GSK3B: variants seen among roughly 807,000 people sequenced by gnomAD.
GSK3B encodes glycogen synthase kinase 3 beta.
A neutral mutation model predicts 56.4 loss-of-function variants in GSK3B; 15 were observed. The observed-to-expected ratio is 0.27, with a 90% CI of 0.18 to 0.41. GSK3B has a LOEUF of 0.41. GSK3B is among the 10% of genes least tolerant of loss of function. GSK3B has a pLI of 1.00. For missense variants in GSK3B, 300 were observed against 513.4 expected, an observed-to-expected ratio of 0.58 and a Z score of 4.02; for synonymous variants, 181 against 188.9, an observed-to-expected ratio of 0.96 and a Z score of 0.34.
chr3:119,930,856 G>A (rs1407841489), intron 3 of GSK3B, among the ~76,000 whole-genome samples: 1 of 152,154 alleles, frequency 6.6e-6, no homozygotes, highest in African/African-American at 2.4e-5. Flanking sequence ...TGCAAGTAGT[G>A]ATATCCCTTT....
At chr3:119,863,665 A>G in intron 8 of GSK3B, 60 bp from the exon 9 acceptor site, 1 of 1,032,822 alleles carries the variant, frequency 9.7e-7, no homozygotes, top group East Asian at 2.6e-5. Context: ...CTAAGCAAAT[A>G]CCCTGTGAAT....
chr3:119,836,342 A>G (rs9819836), intron 10 of GSK3B, among the ~76,000 whole-genome samples: 2,772 of 152,316 alleles, frequency 0.018, 92 homozygotes, highest in African/African-American at 0.063. Context: ...GACAGACCTC[A>G]TCCAAATGTT....
intron 9 of GSK3B, among the ~76,000 whole-genome samples, chr3:119,849,421 T>C (rs1017098470): frequency 3.3e-5 from 5 of 152,302 alleles, no homozygotes; most frequent in Non-Finnish European, 7.4e-5. Context: ...GCTCGATACC[T>C]AAAATAAACC....
chr3:119,990,850 C>T (rs1013611452), intron 2 of GSK3B, among the ~76,000 whole-genome samples: 2 of 152,118 alleles, frequency 1.3e-5, no homozygotes, highest in African/African-American at 4.8e-5. Flanking sequence ...ATTGCTTGAA[C>T]CCAGGAGGCG....
At chr3:119,886,170 T>C (rs2108059430) in intron 7 of GSK3B, among the ~76,000 whole-genome samples, 1 of 151,944 alleles carries the variant, frequency 6.6e-6, no homozygotes, top group Admixed American at 6.6e-5. Context: ...CCAGAATCTA[T>C]AAGAAATTTA....
chr3:119,982,137 AAAAC>A (rs1462399088), intron 2 of GSK3B, among the ~76,000 whole-genome samples: 2 of 152,346 alleles, frequency 1.3e-5, no homozygotes, highest in East Asian at 1.9e-4. Context: ...TGTTAGAAGG[AAAAC>A]AAACAAACAG....
At chr3:119,921,163 A>G (rs2056836451) in intron 4 of GSK3B, among the ~76,000 whole-genome samples, 1 of 152,356 alleles carries the variant, frequency 6.6e-6, no homozygotes, top group South Asian at 2.1e-4. Flanking sequence ...ATTGGTACCT[A>G]TGGAGGATGC....
At chr3:120,042,549 C>T (rs982166091) in intron 1 of GSK3B, among the ~76,000 whole-genome samples, 4 of 152,216 alleles carry the variant, frequency 2.6e-5, no homozygotes, top group Non-Finnish European at 5.9e-5. Flanking sequence ...AGAGATGCCT[C>T]TAACGGGTTG....
At chr3:119,842,666 C>T (rs989712181) in intron 10 of GSK3B, among the ~76,000 whole-genome samples, 5 of 151,742 alleles carry the variant, frequency 3.3e-5, no homozygotes, top group African/African-American at 1.2e-4. Flanking sequence ...CTATGTTGTC[C>T]AGGATGATCT....
intron 1 of GSK3B, among the ~76,000 whole-genome samples, chr3:120,035,076 G>C (rs1018478736): frequency 1.1e-4 from 17 of 152,096 alleles, no homozygotes; most frequent in Middle Eastern, 3.4e-3. Context: ...CTGGGCGAGA[G>C]AGTGAGACTC....
At chr3:120,072,586 T>G (rs866375421) in intron 1 of GSK3B, among the ~76,000 whole-genome samples, 1 of 151,994 alleles carries the variant, frequency 6.6e-6, no homozygotes, top group African/African-American at 2.4e-5. Context: ...CTCAAAAAAA[T>G]AATAATAATA....
rs1000238395 is a variant in GSK3B at position 119,908,885 on chromosome 3, C to T, written c.716-3033G>A. On this transcript the variant is annotated intron_variant, in intron 6 of 10. Coordinates refer to ENST00000264235, the MANE Select transcript of GSK3B (RefSeq NM_001146156.2). The stretch of plus-strand genomic sequence containing the variant: ...GCCTCTTGGCAGAAATCAAAATGTG[C>T]TTTGGCATTTTGCCATTTGGCAAAA... Among the ~76,000 whole-genome samples the T allele has an allele frequency of 2.6e-5, 4 of 152,296 alleles. No homozygotes were observed. The South Asian group carries it at 8.3e-4, about 32-fold the overall frequency.
chr3:120,002,417 C>T (rs1020115027), intron 1 of GSK3B, among the ~76,000 whole-genome samples, 178 bp from the exon 2 acceptor site: 3 of 151,940 alleles, frequency 2.0e-5, no homozygotes, highest in Non-Finnish European at 4.4e-5. Flanking sequence ...CGGCTCACTG[C>T]AACCTCCGTC....
chr3:119,951,419 A>T (rs1016657467), intron 2 of GSK3B, among the ~76,000 whole-genome samples: 10 of 152,128 alleles, frequency 6.6e-5, no homozygotes, highest in African/African-American at 2.4e-4. Flanking sequence ...TAAAAATATA[A>T]AATTAGCCGG....
rs537702220 is a variant in GSK3B, at chr3:119,928,620, A to T, written c.367-5137T>A. On this transcript the variant is annotated intron_variant, in intron 3 of 10. Transcript: ENST00000264235. The stretch of plus-strand genomic sequence containing the variant: ...ACTCCATATCAAAAAAATAAAAAAA[A>T]AAAAAAAAAAAAAAAGAGGGAAAAG... 4.7e-3 allele frequency among the ~76,000 whole-genome samples: 708 copies of T among 150,206 alleles called. 3 individuals are homozygous for T. Among genetic ancestry groups the T allele is most frequent in the African/African-American group, 0.014 (584 of 41,046 alleles).
intron 1 of GSK3B, among the ~76,000 whole-genome samples, chr3:120,027,880 T>C (rs1358105987): frequency 6.6e-6 from 1 of 152,246 alleles, no homozygotes; most frequent in Non-Finnish European, 1.5e-5. Flanking sequence ...GTTTTAAAGA[T>C]AAATTTGCTT....
At chr3:119,941,014 ATTTTT>A (rs201037934) in intron 3 of GSK3B, among the ~76,000 whole-genome samples, 1 of 138,874 alleles carries the variant, frequency 7.2e-6, no homozygotes, top group South Asian at 2.2e-4. Context: ...ATTACTACTA[ATTTTT>A]TTTTTTTTTT....
At chr3:119,923,686 T>G (rs1353258281) in intron 3 of GSK3B, among the ~76,000 whole-genome samples, 1 of 152,168 alleles carries the variant, frequency 6.6e-6, no homozygotes. Flanking sequence ...AATAATTCAA[T>G]GGGGAAAAAA....
At chr3:119,983,266 G>T (rs1009345180) in intron 2 of GSK3B, among the ~76,000 whole-genome samples, 6 of 152,158 alleles carry the variant, frequency 3.9e-5, no homozygotes, top group Admixed American at 3.9e-4. Context: ...AAATTGTAAA[G>T]ACCACTGATG....
Sources: gnomAD v4.1 joint callset for allele counts (sites outside exome capture counted in the v4.1 genomes callset) on GRCh38, gnomAD v4.1.1 for gene constraint, MANE v1.5 for transcripts, NCBI Gene and HGNC (gene_info 2026-07-23, HGNC 2026-07-21) for gene names.